The following VPS13B variants were observed in gnomAD, a reference collection of about 807,000 sequenced individuals.
VPS13B encodes intermembrane lipid transfer protein VPS13B.
A neutral mutation model predicts 426.4 loss-of-function variants in VPS13B; 285 were observed. That is an observed-to-expected ratio of 0.67 (90% confidence interval 0.61 to 0.74). The LOEUF (loss-of-function observed/expected upper bound fraction) is 0.74, where lower values mean the gene tolerates loss of function less well. Among genes scored for constraint, VPS13B ranks in the 30% least tolerant of loss-of-function variants. The pLI is 0.00. For synonymous variants in VPS13B, 1,676 were observed against 1,676.4 expected, an observed-to-expected ratio of 1.00 and a Z score of 0.01; for missense variants, 4,537 against 4,782.6, an observed-to-expected ratio of 0.95 and a Z score of 1.51.
intron 40 of VPS13B, among the ~76,000 whole-genome samples, chr8:99,772,830 C>T (rs1811576159): frequency 6.6e-6 from 1 of 152,126 alleles, no homozygotes; most frequent in African/African-American, 2.4e-5. Context: ...CCTCTCTCAC[C>T]TCTCTCCTGC....
rs139662068 is a variant in VPS13B, at chr8:99,639,478, C to G, written c.5221-2333C>G. The stretch of plus-strand genomic sequence containing the variant: ...GTGTCTTCAAAGGACAGAAACAAGT[C>G]CTTTTTGTTTCAAATAGCTAATGCT... On this transcript the variant is annotated intron_variant, in intron 33 of 61. Transcript: ENST00000357162. Among the ~76,000 whole-genome samples, 526 of 152,050 alleles carry G rather than the reference C, an allele frequency of 3.5e-3. 2 individuals carry two copies. The highest frequency in any genetic ancestry group is 0.012 in the African/African-American group (498 of 41,482).
At position 99,795,607 on chromosome 8, in the gene VPS13B, T is replaced by A. The variant is rs188119608; in HGVS notation, c.7941+11131T>A. On this transcript the variant is annotated intron_variant, in intron 43 of 61. Transcript: ENST00000357162. ...TCCCACAGTCTTGTTAGTCAAGAATTTGGGGCATGGTCTAACTAAGTGATT... is the reference window on the plus strand; with the variant it reads ...TCCCACAGTCTTGTTAGTCAAGAATATGGGGCATGGTCTAACTAAGTGATT... 7.2e-5 allele frequency among the ~76,000 whole-genome samples: 11 copies of A among 152,314 alleles called. No homozygotes were observed. The East Asian group carries it at 2.1e-3, about 29-fold the overall frequency.
chr8:99,413,611 C>T (rs1283905644), intron 21 of VPS13B, among the ~76,000 whole-genome samples: 1 of 151,950 alleles, frequency 6.6e-6, no homozygotes, highest in Admixed American at 6.6e-5. Context: ...GCTGTATCCC[C>T]GAGATTCTGG....
At chr8:99,808,520 A>C (rs1295277344) in intron 43 of VPS13B, among the ~76,000 whole-genome samples, 2 of 151,974 alleles carry the variant, frequency 1.3e-5, no homozygotes, top group Non-Finnish European at 2.9e-5. Context: ...AAAAAAAAAA[A>C]AAAAAAAAGT....
intron 17 of VPS13B, among the ~76,000 whole-genome samples, chr8:99,228,140 A>G (rs1356731865): frequency 6.6e-6 from 1 of 152,242 alleles, no homozygotes; most frequent in African/African-American, 2.4e-5. Context: ...TAAAAAAATA[A>G]AATGGCTTAA....
chr8:99,814,505 A>G (rs1210013527), intron 44 of VPS13B, among the ~76,000 whole-genome samples: 2 of 152,206 alleles, frequency 1.3e-5, no homozygotes, highest in Admixed American at 6.5e-5. Flanking sequence ...TCTGTGACAC[A>G]AAAGAAGGGC....
chr8:99,429,117 C>T (rs1408435274), intron 21 of VPS13B, among the ~76,000 whole-genome samples: 2 of 152,056 alleles, frequency 1.3e-5, no homozygotes, highest in African/African-American at 4.8e-5. Context: ...ACATCACACA[C>T]CGGGGCCTGT....
intron 3 of VPS13B, chr8:99,094,032 C>T (rs1231451536): frequency 1.3e-5 from 2 of 152,034 alleles, no homozygotes; most frequent in Non-Finnish European, 2.9e-5. Flanking sequence ...CTTTCTTTTG[C>T]TTTAAAATGT....
rs551286013 is a variant in VPS13B, at chr8:99,159,867, C to T, written c.2208+3124C>T. Among the ~76,000 whole-genome samples, 170 of 152,224 alleles carry T rather than the reference C, an allele frequency of 1.1e-3. 2 individuals are homozygous for T. In the Middle Eastern group the frequency reaches 0.014, roughly 12 times the overall value. ...TAAGATGGGGTTTTGCCATGTTGCC[C>T]AGGCTGGTCTCGAATTCCTGAGCTC... On this transcript the variant is annotated intron_variant, in intron 15 of 61. Transcript: ENST00000357162.
intron 3 of VPS13B, among the ~76,000 whole-genome samples, chr8:99,069,439 G>T (rs890905931): frequency 1.3e-5 from 2 of 152,128 alleles, no homozygotes; most frequent in African/African-American, 4.8e-5. Flanking sequence ...CAAAAGAAAA[G>T]GAGTCATTTT....
At chr8:99,579,627 T>C (rs544305201) in intron 33 of VPS13B, among the ~76,000 whole-genome samples, 2 of 152,086 alleles carry the variant, frequency 1.3e-5, no homozygotes, top group Admixed American at 1.3e-4. Context: ...CTCCAACTCG[T>C]GACCTCGTGA....
intron 35 of VPS13B, among the ~76,000 whole-genome samples, chr8:99,668,987 AT>A (rs1326783083): frequency 4.6e-5 from 7 of 152,274 alleles, no homozygotes; most frequent in Non-Finnish European, 1.0e-4. Flanking sequence ...ACCAAGGAAA[AT>A]TCCCCGTGAG....
intron 8 of VPS13B, among the ~76,000 whole-genome samples, chr8:99,122,560 C>T (rs1847999571): frequency 6.6e-6 from 1 of 152,120 alleles, no homozygotes; most frequent in Admixed American, 6.5e-5. Flanking sequence ...TTCTCTTCCT[C>T]TCACATATAA....
intron 22 of VPS13B, among the ~76,000 whole-genome samples, chr8:99,436,796 T>C (rs1318161119): frequency 6.6e-6 from 1 of 152,168 alleles, no homozygotes; most frequent in Non-Finnish European, 1.5e-5. Context: ...TGGAGTGCAG[T>C]GGTGTGATCT....
chr8:99,080,907 C>T (rs1162377555), intron 3 of VPS13B, among the ~76,000 whole-genome samples: 1 of 152,140 alleles, frequency 6.6e-6, no homozygotes, highest in Non-Finnish European at 1.5e-5. Context: ...CCTTCCTCTG[C>T]TCATTGTTAG....
chr8:99,243,452 T>C (rs1343332387), intron 17 of VPS13B, among the ~76,000 whole-genome samples: 1 of 152,064 alleles, frequency 6.6e-6, no homozygotes, highest in African/African-American at 2.4e-5. Flanking sequence ...GTGTGGAGCA[T>C]GTAGTAGGTG....
At chr8:99,689,730 G>A (rs1422035087) in intron 35 of VPS13B, among the ~76,000 whole-genome samples, 2 of 152,188 alleles carry the variant, frequency 1.3e-5, no homozygotes, top group Non-Finnish European at 2.9e-5. Context: ...GACCACAATG[G>A]TGCCTGAGAT....
intron 33 of VPS13B, among the ~76,000 whole-genome samples, chr8:99,609,178 T>C (rs2133871557): frequency 6.6e-6 from 1 of 152,326 alleles, no homozygotes; most frequent in East Asian, 1.9e-4. Context: ...TTAGAATGAA[T>C]CTTTCACCCA....
chr8:99,060,962 A>G (rs907755783), intron 3 of VPS13B, among the ~76,000 whole-genome samples: 1 of 152,176 alleles, frequency 6.6e-6, no homozygotes, highest in African/African-American at 2.4e-5. Flanking sequence ...AATGAGTGAA[A>G]ATATGGGGTT....
Sources: gnomAD v4.1 joint callset for allele counts (sites outside exome capture counted in the v4.1 genomes callset) on GRCh38, gnomAD v4.1.1 for gene constraint, MANE v1.5 for transcripts, NCBI Gene and HGNC (gene_info 2026-07-23, HGNC 2026-07-21) for gene names.